The following POLD3 variants were observed in gnomAD, a reference collection of about 807,000 sequenced individuals.
The protein encoded by POLD3 is DNA polymerase delta subunit 3.
Under a neutral mutation model 58.2 loss-of-function variants are expected in POLD3, and 19 were observed. The observed-to-expected ratio is 0.33, with a 90% confidence interval of 0.23 to 0.48. The LOEUF (loss-of-function observed/expected upper bound fraction) is 0.48, where lower values mean the gene tolerates loss of function less well. Ranked by LOEUF, POLD3 falls within the 20% of genes least tolerant of loss-of-function variation. The pLI is 0.99. For synonymous variants in POLD3, 172 were observed against 193.5 expected (o/e 0.89, Z 0.92); for missense variants, 504 against 545.5 (o/e 0.92, Z 0.76).
intron 3 of POLD3, among the ~76,000 whole-genome samples, chr11:74,607,719 T>C (rs1325696652): frequency 1.3e-5 from 2 of 150,696 alleles, no homozygotes; most frequent in East Asian, 2.0e-4. Context: ...GTAGCTGGGA[T>C]TACAGGTGCT....
At chr11:74,643,874 G>A (rs952058641), downstream of POLD3, among the ~76,000 whole-genome samples, 2 of 152,244 alleles carry the variant, frequency 1.3e-5, no homozygotes, top group South Asian at 4.2e-4. Context: ...AAATTCTAGC[G>A]GGATTAAAGA....
chr11:74,611,639 T>C, intron 4 of POLD3, 101 bp downstream of exon 4: 2 of 672,162 alleles, frequency 3.0e-6, no homozygotes, highest in Non-Finnish European at 5.3e-6. Flanking sequence ...TATTTAGCTA[T>C]TTAACTGAAT....
At chr11:74,622,084 T>G (rs2032281531) in intron 7 of POLD3, among the ~76,000 whole-genome samples, 2 of 143,262 alleles carry the variant, frequency 1.4e-5, no homozygotes, top group Admixed American at 7.0e-5. Flanking sequence ...TGTGTTCTCA[T>G]TGTTCAATTC....
chr11:74,627,304 A>T (rs1429571175), intron 8 of POLD3, among the ~76,000 whole-genome samples: 2 of 152,110 alleles, frequency 1.3e-5, no homozygotes, highest in Non-Finnish European at 2.9e-5. Flanking sequence ...TAAATAAAAA[A>T]TTTTTAAAAT....
intron 4 of POLD3, among the ~76,000 whole-genome samples, chr11:74,658,050 T>G (rs7126573): frequency 0.79 from 120,590 of 152,048 alleles, 48,003 homozygotes; most frequent in Middle Eastern, 0.94. Context: ...TTGGGTATTT[T>G]TATTAGTTCA....
At chr11:74,639,490 A>T (rs2032849329) in intron 11 of POLD3, among the ~76,000 whole-genome samples, 1 of 152,248 alleles carries the variant, frequency 6.6e-6, no homozygotes, top group Non-Finnish European at 1.5e-5. Flanking sequence ...AGCTAAGAAC[A>T]AGCTCTTTTC....
intron 4 of POLD3, among the ~76,000 whole-genome samples, chr11:74,651,055 C>G (rs1306035704): frequency 6.6e-6 from 1 of 152,210 alleles, no homozygotes; most frequent in Admixed American, 6.5e-5. Context: ...GTCTACAGAG[C>G]ACCTCTTCAT....
rs1335164702 is a variant in POLD3 at position 74,653,343 on chromosome 11, CCATAA to C, written c.370-15428_370-15424del. ...GAGATACACACACACATAGTGTGGT[CCATAA>C]CATAAGTAGAAATAAAATACTTGAC... On this transcript the variant is annotated intron_variant, in intron 4 of 4. Transcript: ENST00000524752. 2.5e-4 allele frequency among the ~76,000 whole-genome samples: 7 copies of C among 28,220 alleles called. No homozygotes were observed. In the East Asian group the frequency reaches 4.1e-3, roughly 16 times the overall value. 18.5% of individuals were successfully genotyped at this position (28,220 alleles called of 152,430 possible). A position where few individuals can be genotyped will look rare whatever the true frequency, so the allele number is the denominator to read the frequency against.
intron 4 of POLD3, among the ~76,000 whole-genome samples, chr11:74,668,351 A>G (rs1318111479): frequency 6.6e-6 from 1 of 152,218 alleles, no homozygotes; most frequent in Non-Finnish European, 1.5e-5. Flanking sequence ...GAATGGATAA[A>G]TGCAATATGA....
chr11:74,631,858 G>A (rs1349803086), intron 9 of POLD3, among the ~76,000 whole-genome samples: 1 of 151,998 alleles, frequency 6.6e-6, no homozygotes, highest in Non-Finnish European at 1.5e-5. Context: ...TCCTGCTGAG[G>A]TGCCCATACT....
chr11:74,644,612 C>G (rs2032977589), downstream of POLD3, among the ~76,000 whole-genome samples: 1 of 152,194 alleles, frequency 6.6e-6, no homozygotes, highest in Non-Finnish European at 1.5e-5. Context: ...GCTCTTTAGC[C>G]AGAGAAACTT....
At chr11:74,648,164 A>G (rs2033024030) in intron 4 of POLD3, among the ~76,000 whole-genome samples, 1 of 152,232 alleles carries the variant, frequency 6.6e-6, no homozygotes, top group Admixed American at 6.5e-5. Flanking sequence ...AAAATGAATT[A>G]TACCTTTACA....
intron 4 of POLD3, chr11:74,668,630 T>C: frequency 2.2e-6 from 1 of 459,556 alleles, no homozygotes; most frequent in Non-Finnish European, 4.0e-6. Flanking sequence ...AAGGTACTAC[T>C]GAGCTTTCTT....
intron 8 of POLD3, among the ~76,000 whole-genome samples, chr11:74,625,871 TTG>T (rs56365420): frequency 0.13 from 18,664 of 143,540 alleles, 1,454 homozygotes; most frequent in East Asian, 0.28. Context: ...GTGTGCCTAG[TTG>T]TGTGTGTGTG....
intron 2 of POLD3, among the ~76,000 whole-genome samples, chr11:74,598,258 G>A (rs1181478445): frequency 6.6e-6 from 1 of 152,164 alleles, no homozygotes; most frequent in Non-Finnish European, 1.5e-5. Flanking sequence ...GATTTTTTGT[G>A]TATGGTGTAA....
intron 4 of POLD3, 145 bp downstream of exon 4, chr11:74,611,683 G>T: frequency 1.7e-6 from 1 of 603,004 alleles, no homozygotes; most frequent in South Asian, 1.9e-5. Context: ...AGTTTTTAAA[G>T]CATGTTAAAA....
chr11:74,634,315 A>G (rs2048808320), intron 9 of POLD3, among the ~76,000 whole-genome samples: 1 of 152,226 alleles, frequency 6.6e-6, no homozygotes. Flanking sequence ...TTGTAAACCA[A>G]CTTCATAACC....
intron 4 of POLD3, among the ~76,000 whole-genome samples, chr11:74,654,397 G>A (rs1395731143): frequency 6.6e-6 from 1 of 151,582 alleles, no homozygotes; most frequent in Non-Finnish European, 1.5e-5. Flanking sequence ...TCGTAAACGT[G>A]CACACAATAA....
chr11:74,658,163 G>A (rs1377876721), intron 4 of POLD3, among the ~76,000 whole-genome samples: 40 of 152,204 alleles, frequency 2.6e-4, no homozygotes. Context: ...ATCATGGCAG[G>A]AGGTGAAAGG....
Sources: allele counts gnomAD v4.1 joint callset (sites outside exome capture counted in the v4.1 genomes callset), GRCh38; gene constraint gnomAD v4.1.1; transcripts MANE v1.5; gene names NCBI Gene and HGNC (gene_info 2026-07-23, HGNC 2026-07-21).